Variants in ZNF223 observed in about 807,000 individuals in gnomAD.
ZNF223 encodes zinc finger protein 223, also known as Homo sapiens zinc finger protein 223.
Under a neutral mutation model 12.3 loss-of-function variants are expected in ZNF223, and 9 were observed. That is an observed-to-expected ratio of 0.73 (90% CI 0.44 to 1.28). The LOEUF is 1.28. Ranked by LOEUF, ZNF223 falls within the 50% of genes most tolerant of loss-of-function variation. The pLI is 0.00. For missense variants in ZNF223, 506 were observed against 579.0 expected (o/e 0.87, Z 1.29); for synonymous variants, 171 against 195.2 (o/e 0.88, Z 1.03).
At position 44,066,321 on chromosome 19, in the gene ZNF223, C is replaced by T; in HGVS notation, c.493C>T (p.Leu165Phe). ...QSFSDMSIFD[L>F]PQQIRSAEKS... Reference sequence around the variant, plus strand: ...CTTCAGTGATATGTCCATCTTTGATCTTCCTCAGCAAATACGCTCAGCAGA... The same window carrying T: ...CTTCAGTGATATGTCCATCTTTGATTTTCCTCAGCAAATACGCTCAGCAGA... The change falls in exon 5 of 5, where the codon CTT becomes TTT. Residue 165 changes from leucine to phenylalanine, a missense_variant. Coordinates refer to ENST00000434772, the MANE Select transcript of ZNF223 (RefSeq NM_013361.6). The T allele has an allele frequency of 1.2e-6, 2 of 1,614,248 alleles. No homozygotes were observed. The highest frequency in any genetic ancestry group is 1.7e-6 in the Non-Finnish European group (2 of 1,180,042).
At chr19:44,052,708 AGAGACAGCT>A (rs1976718021) in intron 1 of ZNF223, among the ~76,000 whole-genome samples, 1 of 152,168 alleles carries the variant, frequency 6.6e-6, no homozygotes, top group African/African-American at 2.4e-5. Context: ...ACCTGTAACC[AGAGACAGCT>A]GATTGGTAGC....
intron 2 of ZNF223, among the ~76,000 whole-genome samples, chr19:44,060,053 G>T (rs964801174): frequency 3.3e-5 from 5 of 152,186 alleles, no homozygotes; most frequent in Non-Finnish European, 5.9e-5. Context: ...TGAGATTGGG[G>T]TTTCACAGCC....
At chr19:44,060,130 A>G (rs535270095) in intron 2 of ZNF223, among the ~76,000 whole-genome samples, 3 of 152,308 alleles carry the variant, frequency 2.0e-5, no homozygotes, top group East Asian at 3.9e-4. Flanking sequence ...CGCTGGGACT[A>G]TTAGCAAGGT....
rs1976927985 is a variant in ZNF223, at chr19:44,067,015, G to T, written c.1187G>T (p.Gly396Val). ...GLDLHHRAHTGERPYNCDDCG... is the reference protein window; with the variant it reads ...GLDLHHRAHTVERPYNCDDCG... The stretch of plus-strand genomic sequence containing the variant: ...GACTTGCACCATAGAGCCCACACAG[G>T]AGAGAGACCTTATAACTGTGATGAC... The change falls in exon 5 of 5, where the codon GGA (glycine) becomes GTA (valine). Residue 396 changes from glycine to valine, a missense_variant. Coordinates refer to ENST00000434772, the MANE Select transcript of ZNF223 (RefSeq NM_013361.6). The T allele has an allele frequency of 6.2e-7, 1 of 1,613,040 alleles. No homozygotes were observed. The highest frequency in any genetic ancestry group is 1.1e-5 in the South Asian group (1 of 91,054).
At chr19:44,054,781 T>A (rs1976743818) in intron 1 of ZNF223, among the ~76,000 whole-genome samples, 1 of 152,228 alleles carries the variant, frequency 6.6e-6, no homozygotes, top group Non-Finnish European at 1.5e-5. Flanking sequence ...TCCAGACATT[T>A]CATATAAATG....
chr19:44,066,040 T>C, intron 4 of ZNF223, 24 bp from the exon 5 acceptor site: 2 of 1,558,830 alleles, frequency 1.3e-6, no homozygotes, highest in Non-Finnish European at 1.7e-6. Flanking sequence ...CTTGTCCTGA[T>C]CTCTTAATTT....
intron 2 of ZNF223, among the ~76,000 whole-genome samples, chr19:44,059,376 G>A (rs6509136): frequency 0.25 from 38,405 of 152,064 alleles, 5,070 homozygotes; most frequent in Middle Eastern, 0.31. Context: ...CATGTGGCAG[G>A]TGCCAGGTTC....
intron 4 of ZNF223, among the ~76,000 whole-genome samples, chr19:44,065,797 C>T (rs547912241): frequency 6.6e-6 from 1 of 151,832 alleles, no homozygotes; most frequent in African/African-American, 2.4e-5. Context: ...AGGCTGGTCC[C>T]GAATTCCTGA....
At chr19:44,053,769 C>A (rs1209379198) in intron 1 of ZNF223, among the ~76,000 whole-genome samples, 2 of 152,226 alleles carry the variant, frequency 1.3e-5, no homozygotes, top group African/African-American at 4.8e-5. Flanking sequence ...GGACAATGCC[C>A]AGGCTTTCTT....
In ZNF223 at chr19:44,067,639, G is replaced by A; in HGVS notation, c.*362G>A. 4.9e-6 allele frequency: 2 copies of A among 406,770 alleles called. No individual in the cohort carries two copies. Among genetic ancestry groups the A allele is most frequent in the East Asian group, 5.7e-5 (1 of 17,614 alleles). 25.2% of individuals were successfully genotyped at this position (406,770 alleles called of 1,614,324 possible). ...TGTGATTGAGGACAGTTTGAAGTTA[G>A]TGTTTCAGCCATAGCTCAGCATACC... On this transcript the variant is annotated 3_prime_UTR_variant, in exon 5 of 5. Coordinates refer to ENST00000434772, the MANE Select transcript of ZNF223 (RefSeq NM_013361.6).
At chr19:44,054,176 T>TC (rs1164742798) in intron 1 of ZNF223, among the ~76,000 whole-genome samples, 1 of 151,726 alleles carries the variant, frequency 6.6e-6, no homozygotes, top group African/African-American at 2.4e-5. Flanking sequence ...CCTTTTCTTT[T>TC]TTTTTTTTTT....
intron 1 of ZNF223, among the ~76,000 whole-genome samples, chr19:44,054,229 A>G (rs1250312285): frequency 1.3e-5 from 2 of 151,388 alleles, no homozygotes; most frequent in Admixed American, 6.6e-5. Flanking sequence ...CTGGGGTACA[A>G]TGGTGCAATA....
intron 1 of ZNF223, among the ~76,000 whole-genome samples, chr19:44,054,537 G>GTT (rs36103129): frequency 6.7e-6 from 1 of 149,114 alleles, no homozygotes. Flanking sequence ...TGCATTAACA[G>GTT]TTTTTTTTTT....
intron 4 of ZNF223, chr19:44,063,354 G>C (rs1334833936): frequency 1.3e-5 from 2 of 152,264 alleles, no homozygotes; most frequent in African/African-American, 2.4e-5. Context: ...AGCAGGCTCT[G>C]TTATGCACGC....
intron 1 of ZNF223, among the ~76,000 whole-genome samples, chr19:44,053,303 A>G (rs1206594273): frequency 6.6e-6 from 1 of 152,064 alleles, no homozygotes; most frequent in Non-Finnish European, 1.5e-5. Context: ...CACTATCTCT[A>G]CTATCTTGGT....
chr19:44,053,287 A>G (rs1222847052), intron 1 of ZNF223, among the ~76,000 whole-genome samples: 1 of 152,150 alleles, frequency 6.6e-6, no homozygotes, highest in Admixed American at 6.5e-5. Flanking sequence ...CTCAGTATTT[A>G]TTGATCACTA....
chr19:44,059,777 C>CA (rs1361147295), intron 2 of ZNF223, among the ~76,000 whole-genome samples: 1 of 152,188 alleles, frequency 6.6e-6, no homozygotes, highest in Non-Finnish European at 1.5e-5. Flanking sequence ...ACGTCCTATA[C>CA]AAAAAATGCC....
At chr19:44,061,214 G>T (rs999575357) in intron 4 of ZNF223, among the ~76,000 whole-genome samples, 4 of 152,102 alleles carry the variant, frequency 2.6e-5, no homozygotes, top group Non-Finnish European at 4.4e-5. Flanking sequence ...TGGCCACCTT[G>T]TCATCCCTCT....
rs765010677 is a variant in ZNF223 at position 44,066,766 on chromosome 19, A to G, written c.938A>G (p.Lys313Arg). 2 of 1,614,138 alleles carry G rather than the reference A, an allele frequency of 1.2e-6. No individual in the cohort carries two copies. Among genetic ancestry groups the G allele is most frequent in the African/African-American group, 2.7e-5 (2 of 74,950 alleles). Residue 313 changes from lysine (K) to arginine (R), a missense_variant, in exon 5 of 5, where the codon AAG becomes AGG. By Grantham distance (26) the Lys-to-Arg change is conservative (BLOSUM62 2). Transcript: ENST00000434772. ...LNRHCVVHTG[K>R]KPNSTGEYGK... ...AGGCATTGTGTGGTCCACACAGGAA[A>G]GAAACCAAACAGCACTGGGGAATAT...
Sources: gnomAD v4.1 joint callset for allele counts (sites outside exome capture counted in the v4.1 genomes callset) on GRCh38, gnomAD v4.1.1 for gene constraint, MANE v1.5 for transcripts, NCBI Gene and HGNC (gene_info 2026-07-23, HGNC 2026-07-21) for gene names.